Variants in PPP6R2 observed in about 807,000 individuals in gnomAD.
PPP6R2 encodes protein phosphatase 6 regulatory subunit 2.
In PPP6R2, 62 loss-of-function variants were observed where a neutral mutation model predicts 100.2. The observed-to-expected ratio is 0.62, with a 90% CI of 0.50 to 0.76. The LOEUF is 0.76. Ranked by LOEUF, PPP6R2 falls within the 30% of genes least tolerant of loss-of-function variation. PPP6R2 has a pLI of 0.00. For synonymous variants in PPP6R2, 525 were observed against 514.7 expected, an observed-to-expected ratio of 1.02 and a Z score of -0.27; for missense variants, 1,142 against 1,276.3, an observed-to-expected ratio of 0.89 and a Z score of 1.60.
the PPP6R2 span, among the ~76,000 whole-genome samples, chr22:50,334,122 C>T: frequency 1.8e-4 from 28 of 152,348 alleles, no homozygotes; most frequent in Admixed American, 3.3e-4. Context: ...GGAGCGTGAC[C>T]GCTGAAGCAC....
intron 6 of PPP6R2, among the ~76,000 whole-genome samples, chr22:50,417,837 C>A (rs2060757033): frequency 6.6e-6 from 1 of 152,212 alleles, no homozygotes; most frequent in African/African-American, 2.4e-5. Context: ...TGGCTGCTTT[C>A]TTTTCTCCCT....
At chr22:50,432,772 A>G (rs1377835516) in intron 12 of PPP6R2, among the ~76,000 whole-genome samples, 2 of 152,200 alleles carry the variant, frequency 1.3e-5, no homozygotes, top group Admixed American at 1.3e-4. Context: ...GCCCAGAGCC[A>G]TCCCCACCCG....
intron 1 of PPP6R2, among the ~76,000 whole-genome samples, chr22:50,354,911 T>G (rs904853244): frequency 6.9e-6 from 1 of 145,328 alleles, no homozygotes; most frequent in Non-Finnish European, 1.5e-5. Flanking sequence ...CTGTGTCACC[T>G]AGGTTGAGTG....
intron 12 of PPP6R2, among the ~76,000 whole-genome samples, chr22:50,432,724 C>T (rs903353455): frequency 3.9e-5 from 6 of 152,250 alleles, no homozygotes; most frequent in African/African-American, 1.4e-4. Flanking sequence ...AATGGGTGCT[C>T]CCTCTGGTCA....
chr22:50,437,445 G>A lies in PPP6R2; in HGVS notation c.1684-61G>A, dbSNP rs1341672710. The A allele has an allele frequency of 2.4e-6, 3 of 1,226,282 alleles. No individual in the cohort carries two copies. The African/African-American group carries it at 4.5e-5, about 18-fold the overall frequency. 76.0% of individuals were successfully genotyped at this position (1,226,282 alleles called of 1,614,324 possible). On this transcript the variant is annotated intron_variant, in intron 15 of 23. Transcript: ENST00000612753. ...TGTGGTTCCCAAAGAGCAGCCTCCA[G>A]GCCTGATGCCTCCTCCATGACCGGT...
intron 12 of PPP6R2, among the ~76,000 whole-genome samples, chr22:50,432,865 G>C (rs962206930): frequency 2.0e-5 from 3 of 152,214 alleles, no homozygotes; most frequent in African/African-American, 7.2e-5. Context: ...GAGTGCAGCT[G>C]TGGGGAAGCA....
At chr22:50,430,740 G>C (rs1288642190) in intron 10 of PPP6R2, among the ~76,000 whole-genome samples, 1 of 152,090 alleles carries the variant, frequency 6.6e-6, no homozygotes, top group Non-Finnish European at 1.5e-5. Context: ...TGGGCATGGT[G>C]GTGGGCACCT....
chr22:50,339,877 T>G (rs1188937119), upstream of PPP6R2, among the ~76,000 whole-genome samples: 4 of 125,338 alleles, frequency 3.2e-5, no homozygotes, highest in East Asian at 2.5e-4. Flanking sequence ...GTGTGTGGTG[T>G]GGTGTGTGTG....
chr22:50,355,337 A>G (rs2046269923), intron 1 of PPP6R2, among the ~76,000 whole-genome samples: 1 of 147,156 alleles, frequency 6.8e-6, no homozygotes, highest in African/African-American at 2.5e-5. Flanking sequence ...TCCCAGGTTC[A>G]TGCCATTCTC....
upstream of PPP6R2, among the ~76,000 whole-genome samples, chr22:50,340,597 T>A (rs1475094608): frequency 3.6e-5 from 4 of 110,718 alleles, no homozygotes; most frequent in Non-Finnish European, 5.3e-5. Flanking sequence ...GGTGTGTGTG[T>A]GTGGTGTGTG....
rs777425517 is a variant in PPP6R2 at position 50,406,740 on chromosome 22, C to T, written c.279C>T (p.Ser93=). ...TGACTTGTGATGTGCCGCAGATCAG[C>T]GACCGCCTCGGTGGGGACGAGAGCC... The part of the protein sequence containing the change: ...ELLTCDVPQI[S]DRLGGDESLL... The change falls in exon 4 of 24, where the codon AGC becomes AGT. Residue 93 remains serine, a synonymous_variant. Transcript: ENST00000612753. 2.1e-5 allele frequency: 34 copies of T among 1,613,888 alleles called. No homozygotes were observed. The highest frequency in any genetic ancestry group is 2.5e-5 in the Non-Finnish European group (30 of 1,179,998).
chr22:50,336,876 T>G, the PPP6R2 span, among the ~76,000 whole-genome samples: 1 of 152,110 alleles, frequency 6.6e-6, no homozygotes, highest in African/African-American at 2.4e-5. Context: ...CCAGCTAATT[T>G]TAAAAATTTT....
intron 14 of PPP6R2, among the ~76,000 whole-genome samples, chr22:50,436,784 A>G (rs1479335765): frequency 6.6e-6 from 1 of 152,218 alleles, no homozygotes; most frequent in Non-Finnish European, 1.5e-5. Flanking sequence ...CCCCCTGCAC[A>G]TGGAGGTCGG....
intron 3 of PPP6R2, among the ~76,000 whole-genome samples, chr22:50,397,685 G>T (rs572251820): frequency 1.3e-5 from 1 of 77,594 alleles, no homozygotes; most frequent in Admixed American, 1.2e-4. Context: ...TTGGGATGGG[G>T]GCAGGGGGGC....
At chr22:50,380,191 TAGAG>T (rs1033127147) in intron 2 of PPP6R2, among the ~76,000 whole-genome samples, 2 of 151,842 alleles carry the variant, frequency 1.3e-5, no homozygotes, top group African/African-American at 2.4e-5. Flanking sequence ...CCCGTGGTGA[TAGAG>T]AGGAAGAGAG....
intron 10 of PPP6R2, among the ~76,000 whole-genome samples, chr22:50,425,373 A>T (rs1476349153): frequency 1.3e-5 from 2 of 152,228 alleles, no homozygotes; most frequent in African/African-American, 4.8e-5. Context: ...TGGGTGGGCC[A>T]CATTCTGTCC....
chr22:50,439,919 C>T, intron 20 of PPP6R2, 42 bp from the exon 21 acceptor site: 1 of 1,607,974 alleles, frequency 6.2e-7, no homozygotes, highest in Admixed American at 1.7e-5. Flanking sequence ...CCAGGAGGCA[C>T]CTGTCCCCCA....
At chr22:50,352,586 A>G (rs1434274665) in intron 1 of PPP6R2, among the ~76,000 whole-genome samples, 1 of 151,870 alleles carries the variant, frequency 6.6e-6, no homozygotes. Flanking sequence ...TTTGCTGGGT[A>G]TGGTGGTGCG....
chr22:50,439,955 A>G lies in PPP6R2; in HGVS notation c.2286-6A>G. On this transcript the variant is annotated splice_region_variant and splice_polypyrimidine_tract_variant and intron_variant, in intron 20 of 23. Transcript: ENST00000612753. The stretch of plus-strand genomic sequence containing the variant: ...GGACTGATCCTGTCCTCGTCCTTGT[A>G]TGCAGCTCCGAGTCAGGGCCCAGGT... 1 of 1,613,352 alleles carries G rather than the reference A, an allele frequency of 6.2e-7. No individual in the cohort carries two copies. Among genetic ancestry groups the G allele is most frequent in the Non-Finnish European group, 8.5e-7 (1 of 1,179,764 alleles).
Sources: gnomAD v4.1 joint callset for allele counts (sites outside exome capture counted in the v4.1 genomes callset) on GRCh38, gnomAD v4.1.1 for gene constraint, MANE v1.5 for transcripts, NCBI Gene and HGNC (gene_info 2026-07-23, HGNC 2026-07-21) for gene names.